TMEM117: variants seen among roughly 807,000 people sequenced by gnomAD.
The protein encoded by TMEM117 is transmembrane protein 117.
TMEM117 carries 27 observed loss-of-function variants against 52.4 expected under a neutral mutation model. That is an observed-to-expected ratio of 0.51 (90% CI 0.38 to 0.71). The LOEUF is 0.71. TMEM117 is among the 30% of genes least tolerant of loss of function. The pLI is 0.00. For synonymous variants in TMEM117, 215 were observed against 206.3 expected, an observed-to-expected ratio of 1.04 and a Z score of -0.36; for missense variants, 556 against 630.5, an observed-to-expected ratio of 0.88 and a Z score of 1.26.
At chr12:44,082,500 T>G (rs910055960) in intron 3 of TMEM117, among the ~76,000 whole-genome samples, 2 of 152,046 alleles carry the variant, frequency 1.3e-5, no homozygotes, top group African/African-American at 4.8e-5. Context: ...ATATCCTTAC[T>G]TTTTCTTCTT....
rs142915925 is a variant in TMEM117, at chr12:43,993,564, G to T, written c.410+49222G>T. Among the ~76,000 whole-genome samples the T allele has an allele frequency of 2.2e-3, 328 of 152,142 alleles. 2 individuals are homozygous for T. Among genetic ancestry groups the T allele is most frequent in the Middle Eastern group, 0.014 (4 of 294 alleles). On this transcript the variant is annotated intron_variant, in intron 3 of 7. Coordinates refer to ENST00000266534, the MANE Select transcript of TMEM117 (RefSeq NM_032256.3). ...AGGAGAGACTTGGAGAAGATGGAGG[G>T]GGGTGGAAGATATGAGGAGAAAATG...
chr12:43,973,551 A>C (rs569063283), intron 3 of TMEM117, among the ~76,000 whole-genome samples: 4 of 152,204 alleles, frequency 2.6e-5, no homozygotes, highest in South Asian at 4.1e-4. Context: ...TTAGGTTATG[A>C]CTTAACTGCG....
At chr12:44,118,105 A>C (rs990121169) in intron 3 of TMEM117, among the ~76,000 whole-genome samples, 1 of 152,100 alleles carries the variant, frequency 6.6e-6, no homozygotes, top group Non-Finnish European at 1.5e-5. Flanking sequence ...GTGATGGAAT[A>C]TCAGGTGACA....
intron 3 of TMEM117, among the ~76,000 whole-genome samples, chr12:44,040,963 A>G (rs969387046): frequency 3.9e-5 from 6 of 152,234 alleles, no homozygotes; most frequent in African/African-American, 1.2e-4. Flanking sequence ...GCAAAAAGCA[A>G]TGATTGACAG....
rs189560735 is a variant in TMEM117, at chr12:44,148,894, T to C, written c.510+5270T>C. 2.0e-4 allele frequency among the ~76,000 whole-genome samples: 30 copies of C among 152,302 alleles called. No individual in the cohort carries two copies. In the East Asian group the frequency reaches 5.8e-3, roughly 29 times the overall value. ...TGACTTATTATTGTAAAATGAGCAT[T>C]CTAGAATCCTATAAAGGTGGAAGGA... On this transcript the variant is annotated intron_variant, in intron 4 of 7. Transcript: ENST00000266534.
At chr12:44,277,911 A>G (rs1050090349) in intron 5 of TMEM117, among the ~76,000 whole-genome samples, 1 of 151,616 alleles carries the variant, frequency 6.6e-6, no homozygotes, top group Admixed American at 6.6e-5. Flanking sequence ...TTACAGGCGC[A>G]TGCCACCATG....
chr12:44,337,323 T>G (rs1951354740), intron 6 of TMEM117, among the ~76,000 whole-genome samples: 1 of 152,014 alleles, frequency 6.6e-6, no homozygotes, highest in South Asian at 2.1e-4. Flanking sequence ...TTATAAGGGA[T>G]GGATTTTATA....
intron 3 of TMEM117, among the ~76,000 whole-genome samples, chr12:44,024,027 T>C (rs1456804387): frequency 6.6e-6 from 1 of 152,142 alleles, no homozygotes; most frequent in East Asian, 1.9e-4. Context: ...ACTGATTAAC[T>C]GACATCTGCT....
At chr12:44,024,771 G>A (rs1280908423) in intron 3 of TMEM117, among the ~76,000 whole-genome samples, 1 of 152,094 alleles carries the variant, frequency 6.6e-6, no homozygotes, top group East Asian at 1.9e-4. Flanking sequence ...CGATTAGTCA[G>A]TGTAGGTATA....
chr12:44,107,186 A>G (rs545795838), intron 3 of TMEM117, among the ~76,000 whole-genome samples: 1 of 152,208 alleles, frequency 6.6e-6, no homozygotes, highest in Admixed American at 6.5e-5. Flanking sequence ...TTTCTACTGT[A>G]AAACTAAGAA....
At position 44,038,960 on chromosome 12, in the gene TMEM117, G is replaced by C. The variant is rs145678000; in HGVS notation, c.410+94618G>C. Among the ~76,000 whole-genome samples, 216 of 152,186 alleles carry C rather than the reference G, an allele frequency of 1.4e-3. 3 individuals carry two copies. The East Asian group carries it at 0.025, about 18-fold the overall frequency. ...TGGTTACTCTTATTTCATCAAACAG[G>C]TACTCACAATTCACCACCTCCCTGC... On this transcript the variant is annotated intron_variant, in intron 3 of 7. Transcript: ENST00000266534.
chr12:43,820,336 C>T, the TMEM117 span, among the ~76,000 whole-genome samples: 6 of 152,114 alleles, frequency 3.9e-5, no homozygotes, highest in African/African-American at 1.4e-4. Context: ...TGCAGTGGCA[C>T]AGTCGCCACT....
chr12:43,951,169 T>C (rs1168678621), intron 3 of TMEM117, among the ~76,000 whole-genome samples: 1 of 152,146 alleles, frequency 6.6e-6, no homozygotes, highest in Non-Finnish European at 1.5e-5. Context: ...AGAGATTACC[T>C]TGTGAGCCTA....
intron 2 of TMEM117, among the ~76,000 whole-genome samples, chr12:43,883,790 C>A (rs74957123): frequency 2.2e-4 from 31 of 139,004 alleles, no homozygotes; most frequent in South Asian, 1.5e-3. Context: ...CAAAAAAAAA[C>A]CCCAAACAAG....
chr12:44,208,630 A>G (rs1344572928), intron 4 of TMEM117, among the ~76,000 whole-genome samples: 2 of 151,902 alleles, frequency 1.3e-5, no homozygotes, highest in Non-Finnish European at 2.9e-5. Flanking sequence ...CAATTTAGCT[A>G]CAAGTGACCT....
chr12:44,034,364 A>G (rs1369550910), intron 3 of TMEM117, among the ~76,000 whole-genome samples: 2 of 152,226 alleles, frequency 1.3e-5, no homozygotes, highest in Non-Finnish European at 2.9e-5. Context: ...ATGGCCTCGT[A>G]GGGAAATCAG....
chr12:44,017,223 A>T (rs960883125), intron 3 of TMEM117, among the ~76,000 whole-genome samples: 1 of 111,250 alleles, frequency 9.0e-6, no homozygotes, highest in Non-Finnish European at 1.7e-5. Context: ...AGCATTATTT[A>T]TGAAGCCTTC....
chr12:44,052,662 G>A, intron 3 of TMEM117, among the ~76,000 whole-genome samples: 1 of 152,132 alleles, frequency 6.6e-6, no homozygotes, highest in Admixed American at 6.5e-5. Flanking sequence ...CAGCATTTAA[G>A]GCAACAACTG....
chr12:44,156,169 G>A (rs910441667), intron 4 of TMEM117, among the ~76,000 whole-genome samples: 1 of 152,054 alleles, frequency 6.6e-6, no homozygotes, highest in African/African-American at 2.4e-5. Context: ...ATAGTAGTCA[G>A]GTTAGCCCTT....
Sources: allele counts gnomAD v4.1 joint callset (sites outside exome capture counted in the v4.1 genomes callset), GRCh38; gene constraint gnomAD v4.1.1; transcripts MANE v1.5; gene names NCBI Gene and HGNC (gene_info 2026-07-23, HGNC 2026-07-21).